The following ARL15 variants were observed in gnomAD, a reference collection of about 807,000 sequenced individuals.
ARL15 encodes ADP-ribosylation factor-like protein 15.
In ARL15, 19 loss-of-function variants were observed where a neutral mutation model predicts 25.2. The ratio of observed to expected loss-of-function variants is 0.75; its 90% CI spans 0.53 to 1.10. ARL15 has a LOEUF of 1.10. Ranked by LOEUF, ARL15 falls within the 50% of genes least tolerant of loss-of-function variation. ARL15 has a pLI of 0.00. For synonymous variants in ARL15, 94 were observed against 86.8 expected, an observed-to-expected ratio of 1.08 and a Z score of -0.46; for missense variants, 220 against 246.0, an observed-to-expected ratio of 0.89 and a Z score of 0.71.
chr5:54,072,813 G>C (rs1751468817), intron 4 of ARL15, among the ~76,000 whole-genome samples: 1 of 152,080 alleles, frequency 6.6e-6, no homozygotes, highest in African/African-American at 2.4e-5. Context: ...TACTTGGTTA[G>C]AGACTTTACT....
chr5:54,114,086 C>A (rs1400131226), intron 3 of ARL15, among the ~76,000 whole-genome samples: 2 of 151,448 alleles, frequency 1.3e-5, no homozygotes, highest in African/African-American at 4.9e-5. Context: ...TTAAAACAAA[C>A]AAATAAACAA....
chr5:54,191,610 T>C (rs1016976309), intron 1 of ARL15, among the ~76,000 whole-genome samples: 1 of 152,166 alleles, frequency 6.6e-6, no homozygotes, highest in African/African-American at 2.4e-5. Context: ...CCAAAAACTC[T>C]AGAATAATCC....
chr5:53,916,203 G>A (rs1004330379), intron 4 of ARL15, among the ~76,000 whole-genome samples: 12 of 150,626 alleles, frequency 8.0e-5, no homozygotes, highest in East Asian at 2.0e-4. Context: ...AATTCTAAAC[G>A]TACTCACAAA....
intron 4 of ARL15, among the ~76,000 whole-genome samples, chr5:54,036,560 T>G (rs2111922036): frequency 6.6e-6 from 1 of 152,196 alleles, no homozygotes; most frequent in African/African-American, 2.4e-5. Context: ...AAATCCATAC[T>G]TTGTTCCTGT....
At chr5:54,131,172 C>A (rs908602299) in intron 3 of ARL15, among the ~76,000 whole-genome samples, 2 of 152,102 alleles carry the variant, frequency 1.3e-5, no homozygotes, top group African/African-American at 4.8e-5. Flanking sequence ...TTATCATTTT[C>A]AATGTTTGAT....
intron 4 of ARL15, among the ~76,000 whole-genome samples, chr5:53,968,573 A>G (rs1312050413): frequency 6.6e-6 from 1 of 152,166 alleles, no homozygotes; most frequent in African/African-American, 2.4e-5. Flanking sequence ...ATTTACTGTA[A>G]GCTGCTGTGT....
intron 4 of ARL15, among the ~76,000 whole-genome samples, chr5:53,984,098 G>T (rs1189538095): frequency 6.6e-6 from 1 of 152,126 alleles, no homozygotes; most frequent in Non-Finnish European, 1.5e-5. Context: ...AGGGAAAATT[G>T]AACTATATAT....
At chr5:54,251,166 A>G (rs1757227354) in intron 1 of ARL15, among the ~76,000 whole-genome samples, 1 of 152,180 alleles carries the variant, frequency 6.6e-6, no homozygotes. Context: ...AAGGAAGAAG[A>G]TAAGTAAACA....
intron 1 of ARL15, among the ~76,000 whole-genome samples, chr5:54,297,863 A>G (rs1758506640): frequency 1.3e-5 from 2 of 152,054 alleles, no homozygotes; most frequent in African/African-American, 4.8e-5. Context: ...GCTCACTGCA[A>G]GCTCCACCTC....
intron 4 of ARL15, among the ~76,000 whole-genome samples, chr5:54,058,003 T>TTTTTTTTTTTG (rs1750932953): frequency 7.0e-6 from 1 of 143,312 alleles, no homozygotes; most frequent in African/African-American, 2.8e-5. Flanking sequence ...TTTATTTATT[T>TTTTTTTTTTTG]ATTTATTTAT....
intron 4 of ARL15, among the ~76,000 whole-genome samples, chr5:53,973,651 G>A (rs1419731629): frequency 2.6e-5 from 4 of 151,754 alleles, no homozygotes; most frequent in Non-Finnish European, 4.4e-5. Flanking sequence ...GGCTGAGGTG[G>A]GAGGATCACT....
intron 4 of ARL15, among the ~76,000 whole-genome samples, chr5:53,967,195 T>C (rs1336860438): frequency 1.3e-5 from 2 of 152,200 alleles, no homozygotes; most frequent in African/African-American, 2.4e-5. Flanking sequence ...GTTTTTTTAG[T>C]TTAAAATTTT....
chr5:54,296,008 C>G (rs750952706), intron 1 of ARL15, among the ~76,000 whole-genome samples: 3 of 152,188 alleles, frequency 2.0e-5, no homozygotes, highest in Non-Finnish European at 2.9e-5. Flanking sequence ...TGAGTCGGCT[C>G]GTGTGGCCGA....
intron 4 of ARL15, among the ~76,000 whole-genome samples, chr5:53,961,495 C>CAAAAAAA (rs10589852): frequency 1.5e-5 from 1 of 68,874 alleles, no homozygotes; most frequent in Non-Finnish European, 2.8e-5. Context: ...GACTCTGTCT[C>CAAAAAAA]AAAAAAAAAA....
intron 3 of ARL15, among the ~76,000 whole-genome samples, chr5:54,138,056 T>C (rs1373880568): frequency 6.6e-6 from 1 of 151,712 alleles, no homozygotes; most frequent in Non-Finnish European, 1.5e-5. Context: ...ACAGAAAATT[T>C]GAAACCTTTT....
chr5:53,952,351 T>C (rs565688415), intron 4 of ARL15, among the ~76,000 whole-genome samples: 1 of 152,326 alleles, frequency 6.6e-6, no homozygotes, highest in South Asian at 2.1e-4. Context: ...TTAAACTTTT[T>C]AGTTTCTTAT....
intron 4 of ARL15, among the ~76,000 whole-genome samples, chr5:53,933,148 C>T (rs1478265040): frequency 6.6e-6 from 1 of 152,162 alleles, no homozygotes; most frequent in Non-Finnish European, 1.5e-5. Flanking sequence ...CCCCACAAAA[C>T]AACAACCCTA....
Position 54,253,865 on chromosome 5 carries a change from C to T in ARL15, c.48+56567G>A, listed in dbSNP as rs565955946. 2.6e-5 allele frequency among the ~76,000 whole-genome samples: 4 copies of T among 152,330 alleles called. No homozygotes were observed. The South Asian group carries it at 8.3e-4, about 32-fold the overall frequency. ...CTGGCCTCCCAAAGTGCTGGGATAA[C>T]AGGCATTAGCCACCATGCCCAGCCC... is the stretch of plus-strand genomic sequence containing the variant. On this transcript the variant is annotated intron_variant, in intron 1 of 4. Transcript: ENST00000504924.
chr5:54,232,449 G>T (rs1245815217), intron 1 of ARL15, among the ~76,000 whole-genome samples: 2 of 152,126 alleles, frequency 1.3e-5, no homozygotes, highest in African/African-American at 4.8e-5. Context: ...ACTATCTATG[G>T]AAAAAAGTTT....
Sources: gnomAD v4.1 joint callset for allele counts (sites outside exome capture counted in the v4.1 genomes callset) on GRCh38, gnomAD v4.1.1 for gene constraint, MANE v1.5 for transcripts, NCBI Gene and HGNC (gene_info 2026-07-23, HGNC 2026-07-21) for gene names.